DNAH17: variants seen among roughly 807,000 people sequenced by gnomAD.
The protein encoded by DNAH17 is axonemal beta dynein heavy chain 17.
A neutral mutation model predicts 485.6 loss-of-function variants in DNAH17; 376 were observed. The ratio of observed to expected loss-of-function variants is 0.77; its 90% CI spans 0.71 to 0.84. The LOEUF (loss-of-function observed/expected upper bound fraction) is 0.84. Ranked by LOEUF, DNAH17 falls within the 40% of genes least tolerant of loss-of-function variation. DNAH17 has a pLI of 0.00. For synonymous variants in DNAH17, 3,031 were observed against 2,405.9 expected (o/e 1.26, Z -7.60); for missense variants, 6,370 against 5,839.3 (o/e 1.09, Z -2.96).
chr17:78,570,881 AAAAAG>A lies in DNAH17; in HGVS notation c.918+62_918+66del, dbSNP rs878910819. 0.042 allele frequency: 33,625 copies of A among 805,316 alleles called. 1,144 individuals carry two copies. The highest frequency in any genetic ancestry group is 0.066 in the Middle Eastern group (195 of 2,962). 49.9% of individuals were successfully genotyped at this position (805,316 alleles called of 1,614,324 possible). A position where few individuals can be genotyped will look rare whatever the true frequency, so the allele number is the denominator to read the frequency against. On this transcript the variant is annotated intron_variant, in intron 6 of 80. Coordinates refer to ENST00000389840, the MANE Select transcript of DNAH17 (RefSeq NM_173628.4). ...CAAAAAAAAAAAAAAAAAAAAAAGAAAAAAGAAAAGAAAAGAAAAGAAACAAGACC... is the reference window on the plus strand; with the variant it reads ...CAAAAAAAAAAAAAAAAAAAAAAGAAAAAAGAAAAGAAAAGAAACAAGACC...
Position 78,543,881 on chromosome 17 carries a change from T to C in DNAH17, c.2508A>G (p.Gly836=), listed in dbSNP as rs1568229475. ...CTGCAACCATGGCTTGGATCTTCACTCCAGCATCCCTGACTGCTGCGTAGC... is the reference window on the plus strand; with the variant it reads ...CTGCAACCATGGCTTGGATCTTCACCCCAGCATCCCTGACTGCTGCGTAGC... ...NKRYAAVRDA[G]VKIQAMVAEN... Residue 836 remains glycine, a synonymous_variant, in exon 17 of 81, where the codon GGA becomes GGG. Coordinates refer to ENST00000389840, the MANE Select transcript of DNAH17 (RefSeq NM_173628.4). 1 of 1,614,054 alleles carries C rather than the reference T, an allele frequency of 6.2e-7. No homozygotes were observed. The highest frequency in any genetic ancestry group is 1.7e-5 in the Admixed American group (1 of 60,030).
At position 78,450,786 on chromosome 17, in the gene DNAH17, G is replaced by T; in HGVS notation, c.10795C>A (p.Leu3599Ile). The change falls in exon 67 of 81, where the codon CTC becomes ATC. Residue 3599 changes from leucine (L) to isoleucine (I), a missense_variant. Coordinates refer to ENST00000389840, the MANE Select transcript of DNAH17 (RefSeq NM_173628.4). ...KIVLKELEDS[L>I]LARLSAASGN... ...GACGCAGCCGACAGACGGGCCAGGAGCGAATCTTCCAGCTCTTTCAGAACA... is the reference window on the plus strand; with the variant it reads ...GACGCAGCCGACAGACGGGCCAGGATCGAATCTTCCAGCTCTTTCAGAACA... 1 of 1,614,072 alleles carries T rather than the reference G, an allele frequency of 6.2e-7. No individual in the cohort carries two copies. Among genetic ancestry groups the T allele is most frequent in the Non-Finnish European group, 8.5e-7 (1 of 1,179,908 alleles).
intron 11 of DNAH17, among the ~76,000 whole-genome samples, chr17:78,562,746 G>A (rs996730969): frequency 1.3e-5 from 2 of 152,214 alleles, no homozygotes; most frequent in Non-Finnish European, 2.9e-5. Context: ...CACAGGAAGC[G>A]TTCCTCTTAG....
intron 18 of DNAH17, among the ~76,000 whole-genome samples, chr17:78,539,079 A>G (rs1291867051): frequency 6.6e-6 from 1 of 151,942 alleles, no homozygotes; most frequent in Non-Finnish European, 1.5e-5. Flanking sequence ...AAAAATACAA[A>G]AATTAGCCAG....
intron 73 of DNAH17, 33 bp downstream of exon 73, chr17:78,439,057 A>C: frequency 6.2e-7 from 1 of 1,605,210 alleles, no homozygotes. Flanking sequence ...CAGTGCGGGG[A>C]GCCCTTACCC....
chr17:78,475,452 G>A lies in DNAH17; in HGVS notation c.8337C>T (p.Ala2779=), dbSNP rs772614293. The A allele has an allele frequency of 1.9e-5, 31 of 1,613,648 alleles. No individual in the cohort carries two copies. The highest frequency in any genetic ancestry group is 8.9e-5 in the East Asian group (4 of 44,898). ...AVMNLVLFED[A]VAHICRINRI... is the part of the protein sequence containing the mutation. ...GATTAATCCTGCAGATGTGAGCCACGGCGTCCTCAAACAGCACCTGCAGAA... is the reference window on the plus strand; with the variant it reads ...GATTAATCCTGCAGATGTGAGCCACAGCGTCCTCAAACAGCACCTGCAGAA... The change falls in exon 54 of 81, where the codon GCC becomes GCT. Residue 2779 remains alanine (A), a synonymous_variant. Transcript: ENST00000389840.
At chr17:78,496,058 T>A in intron 37 of DNAH17, 26 bp from the exon 38 acceptor site, 1 of 1,601,788 alleles carries the variant, frequency 6.2e-7, no homozygotes, top group South Asian at 1.1e-5. Flanking sequence ...CACAGACATG[T>A]TAGCATGGAA....
chr17:78,553,300 T>G lies in DNAH17; in HGVS notation c.2179-495A>C, dbSNP rs1387043492. ...GTTTTTGTGTTTTTTTTTTTTTTTTTTTTTTTTTTTTTTTTTTTTAAGATG... is the reference window on the plus strand; with the variant it reads ...GTTTTTGTGTTTTTTTTTTTTTTTTGTTTTTTTTTTTTTTTTTTTAAGATG... On this transcript the variant is annotated intron_variant, in intron 14 of 80. Transcript: ENST00000389840. Among the ~76,000 whole-genome samples, 26 of 70,992 alleles carry G rather than the reference T, an allele frequency of 3.7e-4. 1 individual carries two copies. The highest frequency in any genetic ancestry group is 1.5e-3 in the African/African-American group (26 of 17,290). 46.6% of individuals were successfully genotyped at this position (70,992 alleles called of 152,430 possible). A position where few individuals can be genotyped will look rare whatever the true frequency, so the allele number is the denominator to read the frequency against.
At chr17:78,507,875 T>C in intron 27 of DNAH17, 70 bp from the exon 28 acceptor site, 3 of 1,379,518 alleles carry the variant, frequency 2.2e-6, no homozygotes, top group Non-Finnish European at 2.9e-6. Flanking sequence ...ACCCAGAGTT[T>C]CCAGGACATA....
intron 69 of DNAH17, among the ~76,000 whole-genome samples, chr17:78,446,084 G>C (rs1220350013): frequency 1.5e-5 from 2 of 133,514 alleles, no homozygotes; most frequent in African/African-American, 5.6e-5. Flanking sequence ...TGAGGCAGGA[G>C]AATCACTTGA....
In DNAH17 at chr17:78,498,552, G is replaced by C. The variant is rs549825690; in HGVS notation, c.5745+456C>G. ...CCCCAATCCGAAGTCCCTGCACCCA[G>C]GTCGCCCCAGCCACTCCGCTGCACG... On this transcript the variant is annotated intron_variant, in intron 37 of 80. Coordinates refer to ENST00000389840, the MANE Select transcript of DNAH17 (RefSeq NM_173628.4). 2.6e-5 allele frequency among the ~76,000 whole-genome samples: 4 copies of C among 152,270 alleles called. No individual in the cohort carries two copies. In the South Asian group the frequency reaches 8.3e-4, roughly 32 times the overall value.
intron 54 of DNAH17, among the ~76,000 whole-genome samples, chr17:78,471,167 C>T (rs1387974974): frequency 6.6e-6 from 1 of 152,226 alleles, no homozygotes; most frequent in Non-Finnish European, 1.5e-5. Context: ...AGTGGCTGCT[C>T]CATCCTTCGG....
chr17:78,447,613 CA>C (rs2087364415), intron 69 of DNAH17, among the ~76,000 whole-genome samples: 1 of 152,106 alleles, frequency 6.6e-6, no homozygotes, highest in Admixed American at 6.6e-5. Context: ...TCTTTGGGAC[CA>C]AAGAGAATGC....
chr17:78,564,510 AC>A (rs1598737042), intron 11 of DNAH17, among the ~76,000 whole-genome samples: 2 of 147,848 alleles, frequency 1.4e-5, no homozygotes, highest in African/African-American at 4.9e-5. Context: ...AATTTTGGAG[AC>A]CCAAAAGTGA....
intron 52 of DNAH17, among the ~76,000 whole-genome samples, chr17:78,476,093 G>A (rs985624687): frequency 6.6e-6 from 1 of 151,996 alleles, no homozygotes; most frequent in Admixed American, 6.5e-5. Flanking sequence ...AGAACACACG[G>A]GACACACCAG....
intron 37 of DNAH17, 58 bp from the exon 38 acceptor site, chr17:78,496,090 G>C: frequency 6.4e-7 from 1 of 1,557,448 alleles, no homozygotes; most frequent in Non-Finnish European, 8.7e-7. Flanking sequence ...CCACACACCA[G>C]AGAGGCCTTC....
intron 69 of DNAH17, among the ~76,000 whole-genome samples, chr17:78,446,485 G>A (rs1160462185): frequency 4.6e-5 from 7 of 152,128 alleles, no homozygotes; most frequent in Admixed American, 4.6e-4. Context: ...CCATATTGTA[G>A]ATGTGTCAGA....
intron 60 of DNAH17, among the ~76,000 whole-genome samples, chr17:78,459,559 G>C (rs2087990651): frequency 6.6e-6 from 1 of 152,222 alleles, no homozygotes; most frequent in Non-Finnish European, 1.5e-5. Flanking sequence ...AGGTGCTGCT[G>C]ACCTCTGTGG....
chr17:78,477,211 T>G (rs1484233292), intron 51 of DNAH17, among the ~76,000 whole-genome samples: 2 of 152,096 alleles, frequency 1.3e-5, no homozygotes, highest in African/African-American at 4.8e-5. Flanking sequence ...CCTGACGCTG[T>G]GGAGTTGACA....
Sources: gnomAD v4.1 joint callset for allele counts (sites outside exome capture counted in the v4.1 genomes callset) on GRCh38, gnomAD v4.1.1 for gene constraint, MANE v1.5 for transcripts, NCBI Gene and HGNC (gene_info 2026-07-23, HGNC 2026-07-21) for gene names.